The following ANXA7 variants were observed in gnomAD, a reference collection of about 807,000 sequenced individuals.
The protein encoded by ANXA7 is annexin VII.
ANXA7 carries 55 observed loss-of-function variants against 64.9 expected under a neutral mutation model. The ratio of observed to expected loss-of-function variants is 0.85; its 90% CI spans 0.68 to 1.06. ANXA7 has a LOEUF of 1.06. Ranked by LOEUF, ANXA7 falls within the 50% of genes least tolerant of loss-of-function variation. The probability of loss-of-function intolerance (pLI) is 0.00; values close to 1 mark genes in which losing one functional copy is unlikely to be tolerated. For missense variants in ANXA7, 548 were observed against 582.1 expected, an observed-to-expected ratio of 0.94 and a Z score of 0.60; for synonymous variants, 200 against 192.4, an observed-to-expected ratio of 1.04 and a Z score of -0.33.
chr10:73,407,717 A>AT (rs1323807602), intron 1 of ANXA7, among the ~76,000 whole-genome samples: 1 of 152,242 alleles, frequency 6.6e-6, no homozygotes, highest in Non-Finnish European at 1.5e-5. Flanking sequence ...TGATAGAAAG[A>AT]TTAAGTATTC....
rs187331276 is a variant in ANXA7 at position 73,391,039 on chromosome 10, G to A, written c.436-2625C>T. Among the ~76,000 whole-genome samples the A allele has an allele frequency of 1.4e-3, 205 of 151,790 alleles. 2 individuals carry two copies. The highest frequency in any genetic ancestry group is 4.7e-3 in the African/African-American group (196 of 41,392). ...ACAAAAATGCTGGGCGTGGTGGTGC[G>A]CACCTGTAGTCCCAGCTACTCAGGA... On this transcript the variant is annotated intron_variant, in intron 5 of 12. Coordinates refer to ENST00000372921, the MANE Select transcript of ANXA7 (RefSeq NM_001156.5).
chr10:73,377,930 T>TGTGTGA (rs542289005), intron 12 of ANXA7, among the ~76,000 whole-genome samples: 1 of 142,498 alleles, frequency 7.0e-6, no homozygotes, highest in Admixed American at 6.8e-5. Flanking sequence ...TGTGTGTGTG[T>TGTGTGA]GCGCGCGCGT....
In ANXA7 at chr10:73,405,959, TC is replaced by T. The variant is rs200137783; in HGVS notation, c.-1-5103del. 3.0e-3 allele frequency among the ~76,000 whole-genome samples: 435 copies of T among 146,276 alleles called. 1 individual carries two copies. Among genetic ancestry groups the T allele is most frequent in the African/African-American group, 9.1e-3 (344 of 37,636 alleles). On this transcript the variant is annotated intron_variant, in intron 1 of 12. Coordinates refer to ENST00000372921, the MANE Select transcript of ANXA7 (RefSeq NM_001156.5). ...AGTAAGAAACCCAGTATTTTTCTCTTCTTTTTTTTTTTTGAGACAGAGTTTC... is the reference window on the plus strand; with the variant it reads ...AGTAAGAAACCCAGTATTTTTCTCTTTTTTTTTTTTTTGAGACAGAGTTTC...
intron 7 of ANXA7, among the ~76,000 whole-genome samples, chr10:73,384,612 G>A (rs909850511): frequency 6.6e-6 from 1 of 152,002 alleles, no homozygotes; most frequent in African/African-American, 2.4e-5. Flanking sequence ...TGTTGGCCAG[G>A]CTGGTCTTGA....
At chr10:73,390,720 A>ATATATATATATATATATAT (rs1491310073) in intron 5 of ANXA7, among the ~76,000 whole-genome samples, 2 of 112,624 alleles carry the variant, frequency 1.8e-5, no homozygotes, top group African/African-American at 8.4e-5. Context: ...ATATATATAT[A>ATATATATATATATATATAT]AAAATATATA....
In ANXA7 at chr10:73,383,691, C is replaced by T. The variant is rs1564523054; in HGVS notation, c.634-1G>A. On this transcript the variant is annotated splice_acceptor_variant, in intron 7 of 12. Transcript: ENST00000372921. LOFTEE classifies it high-confidence loss of function. ...CTGATTTGAGATCTTTGATTAAATC[C>T]TATTTAATCACAAATACAAGCTAAG... The T allele has an allele frequency of 6.4e-7, 1 of 1,567,138 alleles. No individual in the cohort carries two copies. Among genetic ancestry groups the T allele is most frequent in the Non-Finnish European group, 8.8e-7 (1 of 1,138,056 alleles).
chr10:73,377,773 G>GGT (rs368036663), intron 12 of ANXA7, among the ~76,000 whole-genome samples: 5,763 of 124,794 alleles, frequency 0.046, 433 homozygotes, highest in African/African-American at 0.14. Context: ...GGTGGGTGTG[G>GGT]GTGTGTGTGT....
At chr10:73,386,314 G>A (rs2055368956) in intron 7 of ANXA7, among the ~76,000 whole-genome samples, 1 of 151,380 alleles carries the variant, frequency 6.6e-6, no homozygotes, top group Non-Finnish European at 1.5e-5. Context: ...GTTGGATTTA[G>A]AAACTGATCA....
chr10:73,409,500 TA>T, intron 1 of ANXA7, among the ~76,000 whole-genome samples: 1 of 152,214 alleles, frequency 6.6e-6, no homozygotes, highest in South Asian at 2.1e-4. Context: ...AACTACAAAA[TA>T]CTGCTGAAAG....
intron 9 of ANXA7, among the ~76,000 whole-genome samples, chr10:73,382,727 A>G (rs1301527523): frequency 1.3e-5 from 2 of 151,844 alleles, no homozygotes; most frequent in Non-Finnish European, 2.9e-5. Flanking sequence ...GGGAATCAAA[A>G]TAAAGAAGGT....
intron 3 of ANXA7, 110 bp downstream of exon 3, chr10:73,398,071 A>C (rs897160973): frequency 5.4e-6 from 6 of 1,105,928 alleles, no homozygotes; most frequent in Non-Finnish European, 7.6e-6. Context: ...AAGGTTACCT[A>C]AGAGCGACTT....
At chr10:73,383,106 T>C in intron 9 of ANXA7, 69 bp downstream of exon 9, 2 of 1,404,168 alleles carry the variant, frequency 1.4e-6, no homozygotes, top group Non-Finnish European at 1.9e-6. Flanking sequence ...GAATAAAGAA[T>C]GCTCACTGGC....
intron 7 of ANXA7, among the ~76,000 whole-genome samples, chr10:73,385,193 G>T (rs142295384): frequency 5.1e-4 from 78 of 152,280 alleles, no homozygotes; most frequent in African/African-American, 1.9e-3. Context: ...CTAAATCTTG[G>T]ATTATTACAC....
intron 8 of ANXA7, 64 bp from the exon 9 acceptor site, chr10:73,383,409 C>A: frequency 6.8e-7 from 1 of 1,468,492 alleles, no homozygotes; most frequent in Non-Finnish European, 9.3e-7. Flanking sequence ...ATTAAATCTT[C>A]GTCAAATATT....
At chr10:73,388,167 C>T (rs2055409274) in intron 6 of ANXA7, 145 bp downstream of exon 6, 2 of 638,052 alleles carry the variant, frequency 3.1e-6, no homozygotes, top group African/African-American at 1.8e-5. Context: ...TCTTAGAATG[C>T]TTACAAGGCA....
At chr10:73,396,708 G>A (rs933834789) in intron 4 of ANXA7, 125 bp from the exon 5 acceptor site, 2 of 560,716 alleles carry the variant, frequency 3.6e-6, no homozygotes, top group African/African-American at 3.8e-5. Flanking sequence ...ATACTTATGA[G>A]GATAGTTTTT....
chr10:73,413,808 G>A (rs1422786014), intron 1 of ANXA7, among the ~76,000 whole-genome samples: 1 of 152,280 alleles, frequency 6.6e-6, no homozygotes, highest in East Asian at 1.9e-4. Context: ...AAGCCAGGCC[G>A]GCCGCCTCAC....
intron 5 of ANXA7, among the ~76,000 whole-genome samples, chr10:73,393,890 G>A (rs1020057313): frequency 2.5e-4 from 38 of 152,130 alleles, no homozygotes; most frequent in South Asian, 1.7e-3. Flanking sequence ...GCTTCTGCAC[G>A]GCAAAAGAAA....
intron 5 of ANXA7, among the ~76,000 whole-genome samples, chr10:73,395,499 C>T (rs1431542821): frequency 6.6e-6 from 1 of 151,930 alleles, no homozygotes; most frequent in South Asian, 2.1e-4. Context: ...AAATAAGAAG[C>T]CAGGCCGTGC....
Sources: allele counts gnomAD v4.1 joint callset (sites outside exome capture counted in the v4.1 genomes callset), GRCh38; gene constraint gnomAD v4.1.1; transcripts MANE v1.5; gene names NCBI Gene and HGNC (gene_info 2026-07-23, HGNC 2026-07-21).